Variants in TIAM1 observed in about 807,000 individuals in gnomAD.
TIAM1 encodes the protein TIAM Rac1 associated GEF 1, also known as rho guanine nucleotide exchange factor TIAM1.
TIAM1 carries 65 observed loss-of-function variants against 163.5 expected under a neutral mutation model. The ratio of observed to expected loss-of-function variants is 0.40; its 90% CI spans 0.33 to 0.49. The LOEUF (loss-of-function observed/expected upper bound fraction) is 0.49. TIAM1 is among the 20% of genes least tolerant of loss of function. The pLI is 0.77. For synonymous variants in TIAM1, 833 were observed against 810.1 expected, an observed-to-expected ratio of 1.03 and a Z score of -0.48; for missense variants, 1,789 against 2,044.7, an observed-to-expected ratio of 0.87 and a Z score of 2.41.
chr21:31,465,672 G>A (rs531568880), intron 1 of TIAM1, among the ~76,000 whole-genome samples: 3 of 151,844 alleles, frequency 2.0e-5, no homozygotes, highest in South Asian at 4.1e-4. Flanking sequence ...CCGGGTTCAC[G>A]CCATTCTCCT....
At chr21:31,287,082 CTT>C (rs1461211194) in intron 2 of TIAM1, among the ~76,000 whole-genome samples, 3 of 152,176 alleles carry the variant, frequency 2.0e-5, no homozygotes, top group African/African-American at 7.2e-5. Flanking sequence ...ATTTTTGACT[CTT>C]AACATCTTTG....
intron 2 of TIAM1, among the ~76,000 whole-genome samples, chr21:31,293,435 A>G (rs2146925221): frequency 6.6e-6 from 1 of 152,360 alleles, no homozygotes; most frequent in Non-Finnish European, 1.5e-5. Flanking sequence ...CCAAACGACT[A>G]GGCACCACAA....
At chr21:31,373,307 C>T (rs1031542155) in intron 2 of TIAM1, among the ~76,000 whole-genome samples, 7 of 152,080 alleles carry the variant, frequency 4.6e-5, no homozygotes, top group Non-Finnish European at 1.0e-4. Context: ...CTTTCTTTTG[C>T]TCTGCATTAG....
chr21:31,218,542 C>G (rs2146599766), intron 8 of TIAM1, among the ~76,000 whole-genome samples: 1 of 150,012 alleles, frequency 6.7e-6, no homozygotes, highest in East Asian at 2.0e-4. Flanking sequence ...GCACTCTAGC[C>G]TGGGCGACAG....
chr21:31,487,601 A>T (rs1282309985), intron 1 of TIAM1, among the ~76,000 whole-genome samples: 3 of 137,400 alleles, frequency 2.2e-5, no homozygotes, highest in Admixed American at 7.8e-5. Context: ...CCCAGGCCGG[A>T]CTGCGGACTG....
chr21:31,489,576 C>A (rs886738817), intron 1 of TIAM1, among the ~76,000 whole-genome samples: 3 of 151,498 alleles, frequency 2.0e-5, no homozygotes, highest in Non-Finnish European at 4.4e-5. Flanking sequence ...TGCAGACCCC[C>A]CCCCCCTTGG....
intron 2 of TIAM1, among the ~76,000 whole-genome samples, chr21:31,318,294 A>G (rs2075196787): frequency 6.6e-6 from 1 of 152,166 alleles, no homozygotes; most frequent in Non-Finnish European, 1.5e-5. Flanking sequence ...GACAGGAGAA[A>G]GGGTTTCACC....
intron 6 of TIAM1, among the ~76,000 whole-genome samples, chr21:31,230,053 C>CAG (rs2088323370): frequency 6.6e-6 from 1 of 152,210 alleles, no homozygotes; most frequent in Non-Finnish European, 1.5e-5. Context: ...TGCACAAACA[C>CAG]CTGGCAGGTG....
At chr21:31,477,952 A>G (rs1445769047) in intron 1 of TIAM1, among the ~76,000 whole-genome samples, 1 of 152,216 alleles carries the variant, frequency 6.6e-6, no homozygotes, top group Non-Finnish European at 1.5e-5. Context: ...AGTTTACAGA[A>G]TATCTCCAGG....
intron 2 of TIAM1, among the ~76,000 whole-genome samples, chr21:31,297,374 T>C (rs535016463): frequency 8.5e-4 from 129 of 152,260 alleles, no homozygotes; most frequent in African/African-American, 2.7e-3. Flanking sequence ...AGATGGATGG[T>C]GGTGATGGCC....
At chr21:31,209,495 AAAG>A (rs1305025444) in intron 11 of TIAM1, among the ~76,000 whole-genome samples, 1 of 152,228 alleles carries the variant, frequency 6.6e-6, no homozygotes, top group African/African-American at 2.4e-5. Context: ...TGTGTTCACA[AAAG>A]AAGAATTTCC....
intron 27 of TIAM1, among the ~76,000 whole-genome samples, chr21:31,123,073 T>C (rs1173240784): frequency 6.6e-6 from 1 of 152,240 alleles, no homozygotes. Flanking sequence ...ATCAAGGCTT[T>C]CTCTTGGTAA....
intron 2 of TIAM1, among the ~76,000 whole-genome samples, chr21:31,286,243 T>A (rs948284490): frequency 6.6e-6 from 1 of 152,158 alleles, no homozygotes; most frequent in Non-Finnish European, 1.5e-5. Context: ...GAATATTGCA[T>A]TTTAAAGTTA....
At chr21:31,406,429 T>C (rs1462639107) in intron 2 of TIAM1, among the ~76,000 whole-genome samples, 1 of 152,182 alleles carries the variant, frequency 6.6e-6, no homozygotes, top group African/African-American at 2.4e-5. Context: ...ATGGAGAGGA[T>C]GATAGGATTA....
At chr21:31,296,958 TG>T (rs1191928724) in intron 2 of TIAM1, among the ~76,000 whole-genome samples, 3 of 152,126 alleles carry the variant, frequency 2.0e-5, no homozygotes, top group Non-Finnish European at 4.4e-5. Context: ...CCACTGCATC[TG>T]GCCTGGACTG....
chr21:31,356,344 G>A (rs904557666), intron 2 of TIAM1, among the ~76,000 whole-genome samples: 5 of 152,128 alleles, frequency 3.3e-5, no homozygotes, highest in Non-Finnish European at 1.5e-5. Context: ...TTGCCCGTAT[G>A]CCATCATTGT....
chr21:31,168,636 G>C (rs145223566), intron 15 of TIAM1, among the ~76,000 whole-genome samples: 1 of 152,056 alleles, frequency 6.6e-6, no homozygotes, highest in Non-Finnish European at 1.5e-5. Flanking sequence ...TCCTAACCTC[G>C]TGATCCACCT....
intron 2 of TIAM1, among the ~76,000 whole-genome samples, chr21:31,460,366 C>A (rs1000172538): frequency 2.0e-5 from 3 of 152,232 alleles, no homozygotes; most frequent in African/African-American, 4.8e-5. Flanking sequence ...GTGGCTCACA[C>A]CTGTAATCCC....
intron 2 of TIAM1, among the ~76,000 whole-genome samples, chr21:31,302,895 C>A (rs894301338): frequency 6.6e-6 from 1 of 152,138 alleles, no homozygotes; most frequent in Non-Finnish European, 1.5e-5. Flanking sequence ...AATTGGGAGG[C>A]CCATTTTACT....
Sources: allele counts gnomAD v4.1 joint callset (sites outside exome capture counted in the v4.1 genomes callset), GRCh38; gene constraint gnomAD v4.1.1; transcripts MANE v1.5; gene names NCBI Gene and HGNC (gene_info 2026-07-23, HGNC 2026-07-21).